ADK: variants seen among roughly 807,000 people sequenced by gnomAD.
ADK encodes the protein N6,N6-dimethyladenosine kinase.
A neutral mutation model predicts 44.7 loss-of-function variants in ADK; 24 were observed. The observed-to-expected ratio is 0.54, with a 90% CI of 0.39 to 0.76. ADK has a LOEUF of 0.76. Among genes scored for constraint, ADK ranks in the 30% least tolerant of loss-of-function variants. The probability of loss-of-function intolerance (pLI) is 0.00; values close to 1 mark genes in which losing one functional copy is unlikely to be tolerated. For missense variants in ADK, 321 were observed against 425.1 expected, an observed-to-expected ratio of 0.76 and a Z score of 2.15; for synonymous variants, 128 against 142.6, an observed-to-expected ratio of 0.90 and a Z score of 0.73.
chr10:74,608,595 C>T (rs191779813), intron 9 of ADK, among the ~76,000 whole-genome samples: 146 of 152,246 alleles, frequency 9.6e-4, no homozygotes, highest in African/African-American at 3.4e-3. Flanking sequence ...CTGTTCCTTC[C>T]TCTGGAAGCT....
chr10:74,487,517 A>AT (rs1847307442), intron 6 of ADK, among the ~76,000 whole-genome samples: 2 of 150,502 alleles, frequency 1.3e-5, no homozygotes. Flanking sequence ...TTGCCAGTTT[A>AT]TTTTTTGGCT....
chr10:74,699,066 T>C (rs1856311903), intron 10 of ADK, among the ~76,000 whole-genome samples: 2 of 150,528 alleles, frequency 1.3e-5, no homozygotes, highest in Admixed American at 6.7e-5. Context: ...CCCAGGCTGG[T>C]TTCCTGGGCT....
intron 9 of ADK, among the ~76,000 whole-genome samples, chr10:74,610,136 A>G (rs1300800241): frequency 6.6e-6 from 1 of 152,208 alleles, no homozygotes. Context: ...TAGCAGCATT[A>G]TTCACAATAA....
At chr10:74,411,318 T>A (rs1213447861) in intron 6 of ADK, among the ~76,000 whole-genome samples, 1 of 152,218 alleles carries the variant, frequency 6.6e-6, no homozygotes, top group Non-Finnish European at 1.5e-5. Flanking sequence ...TTTTCATTCA[T>A]GTTTAATAAT....
At chr10:74,316,894 T>C (rs1436358688) in intron 4 of ADK, among the ~76,000 whole-genome samples, 5 of 21,870 alleles carry the variant, frequency 2.3e-4, no homozygotes, top group South Asian at 1.8e-3. Flanking sequence ...CTTTTGCACT[T>C]TTTTTTTTAC....
intron 9 of ADK, among the ~76,000 whole-genome samples, chr10:74,654,159 A>G (rs911050150): frequency 6.6e-5 from 10 of 152,246 alleles, no homozygotes; most frequent in Non-Finnish European, 1.0e-4. Context: ...AGAACTTTGT[A>G]TGTACCTATC....
chr10:74,184,335 T>G (rs1322584964), intron 1 of ADK, among the ~76,000 whole-genome samples: 1 of 152,146 alleles, frequency 6.6e-6, no homozygotes, highest in Non-Finnish European at 1.5e-5. Context: ...TTTATTATTA[T>G]TTTTTCTTTT....
intron 6 of ADK, among the ~76,000 whole-genome samples, chr10:74,448,206 CT>C (rs1412100369): frequency 6.6e-6 from 1 of 151,888 alleles, no homozygotes; most frequent in Non-Finnish European, 1.5e-5. Context: ...TTAATCCCAG[CT>C]ACTTGGGAGG....
chr10:74,394,007 A>G (rs1002575959), intron 4 of ADK, 134 bp from the exon 5 acceptor site: 1 of 900,756 alleles, frequency 1.1e-6, no homozygotes, highest in Non-Finnish European at 1.8e-6. Flanking sequence ...GTGATAGCAC[A>G]GAATTGAAAT....
intron 6 of ADK, among the ~76,000 whole-genome samples, chr10:74,444,223 CT>C (rs1450109388): frequency 6.6e-6 from 1 of 152,042 alleles, no homozygotes; most frequent in Non-Finnish European, 1.5e-5. Flanking sequence ...CAAATGCTGG[CT>C]AATTGATTAT....
chr10:74,523,112 G>T (rs1014435525), intron 6 of ADK, among the ~76,000 whole-genome samples: 1 of 151,964 alleles, frequency 6.6e-6, no homozygotes, highest in Admixed American at 6.6e-5. Flanking sequence ...TCTCTATCTT[G>T]CTTTATTTAT....
intron 6 of ADK, among the ~76,000 whole-genome samples, chr10:74,468,530 A>G (rs535917158): frequency 2.5e-4 from 38 of 152,304 alleles, no homozygotes; most frequent in Admixed American, 1.8e-3. Flanking sequence ...AGGAGTCAGT[A>G]TGATGTGCTG....
chr10:74,545,655 G>C (rs1359972385), intron 7 of ADK, among the ~76,000 whole-genome samples: 1 of 152,004 alleles, frequency 6.6e-6, no homozygotes, highest in Non-Finnish European at 1.5e-5. Context: ...CTTCTCATAG[G>C]GTTTGTGTTA....
At chr10:74,174,198 C>G (rs1842250622) in intron 1 of ADK, among the ~76,000 whole-genome samples, 1 of 149,364 alleles carries the variant, frequency 6.7e-6, no homozygotes, top group East Asian at 2.0e-4. Context: ...GTCCCAGCTA[C>G]TCGGGAGGCT....
chr10:74,491,423 T>G (rs1847479461), intron 6 of ADK, among the ~76,000 whole-genome samples: 1 of 152,174 alleles, frequency 6.6e-6, no homozygotes, highest in South Asian at 2.1e-4. Context: ...TTTTATTTTA[T>G]TATGAAAGTT....
intron 6 of ADK, among the ~76,000 whole-genome samples, chr10:74,467,921 C>T (rs1846420450): frequency 6.6e-6 from 1 of 152,118 alleles, no homozygotes; most frequent in African/African-American, 2.4e-5. Flanking sequence ...TCATTAGTCA[C>T]TGACAGCCAA....
chr10:74,241,804 G>A (rs1267037450), intron 3 of ADK, among the ~76,000 whole-genome samples: 1 of 152,238 alleles, frequency 6.6e-6, no homozygotes, highest in Non-Finnish European at 1.5e-5. Context: ...CTGGCCTCAA[G>A]TGATCCTCCT....
intron 4 of ADK, among the ~76,000 whole-genome samples, chr10:74,367,957 A>G (rs1449900591): frequency 2.6e-5 from 4 of 152,226 alleles, no homozygotes; most frequent in African/African-American, 9.6e-5. Flanking sequence ...AATATGAAGT[A>G]TCAATATCTG....
chr10:74,375,272 A>G (rs1842782983), intron 4 of ADK, among the ~76,000 whole-genome samples: 1 of 152,138 alleles, frequency 6.6e-6, no homozygotes, highest in African/African-American at 2.4e-5. Flanking sequence ...ATAAATGATA[A>G]TTGCCTTTTG....
Sources: gnomAD v4.1 joint callset for allele counts (sites outside exome capture counted in the v4.1 genomes callset) on GRCh38, gnomAD v4.1.1 for gene constraint, MANE v1.5 for transcripts, NCBI Gene and HGNC (gene_info 2026-07-23, HGNC 2026-07-21) for gene names.